The following BCL2L14 variants were observed in gnomAD, a reference collection of about 807,000 sequenced individuals.
The protein encoded by BCL2L14 is BCL2 like 14, also known as apoptosis facilitator Bcl-2-like protein 14.
In BCL2L14, 27 loss-of-function variants were observed where a neutral mutation model predicts 35.3. The observed-to-expected ratio is 0.76, with a 90% CI of 0.56 to 1.05. The LOEUF is 1.05. BCL2L14 is among the 50% of genes least tolerant of loss of function. BCL2L14 has a pLI of 0.00. For missense variants in BCL2L14, 377 were observed against 382.6 expected, an observed-to-expected ratio of 0.99 and a Z score of 0.12; for synonymous variants, 139 against 145.9, an observed-to-expected ratio of 0.95 and a Z score of 0.34.
rs766713569 is a variant in BCL2L14 at position 12,090,765 on chromosome 12, A to G, written c.608-14A>G. ...GCTTCTCTTAAAAGAAATAACTGGA[A>G]TTTTCCCCGACAGATGAAGAAGAAC... On this transcript the variant is annotated splice_polypyrimidine_tract_variant and intron_variant, in intron 3 of 5. Coordinates refer to ENST00000308721, the MANE Select transcript of BCL2L14 (RefSeq NM_138723.2). 25 of 1,606,032 alleles carry G rather than the reference A, an allele frequency of 1.6e-5. No homozygotes were observed. The highest frequency in any genetic ancestry group is 7.7e-6 in the Non-Finnish European group (9 of 1,176,252).
rs547653693 is a variant in BCL2L14 at position 12,088,608 on chromosome 12, G to A, written c.607+1222G>A. ...TTTGTTAGAAAAGAAAATGATTTGG[G>A]GCTGCTTTTCATTAAAAGGAAAACC... On this transcript the variant is annotated intron_variant, in intron 3 of 5. Coordinates refer to ENST00000308721, the MANE Select transcript of BCL2L14 (RefSeq NM_138723.2). Among the ~76,000 whole-genome samples, 66 of 152,140 alleles carry A rather than the reference G, an allele frequency of 4.3e-4. 1 individual carries two copies. The highest frequency in any genetic ancestry group is 8.7e-4 in the Non-Finnish European group (59 of 67,978).
At chr12:12,068,803 A>G (rs760636470), upstream of BCL2L14, among the ~76,000 whole-genome samples, 3 of 152,198 alleles carry the variant, frequency 2.0e-5, no homozygotes, top group Non-Finnish European at 4.4e-5. Context: ...AAATGAAAGC[A>G]AGGTTATTAA....
chr12:12,072,779 G>T (rs1008276651), intron 1 of BCL2L14, among the ~76,000 whole-genome samples: 7 of 152,194 alleles, frequency 4.6e-5, no homozygotes, highest in African/African-American at 9.6e-5. Flanking sequence ...ATACTCGATC[G>T]CTGCTGCTTG....
intron 2 of BCL2L14, among the ~76,000 whole-genome samples, chr12:12,062,262 C>G (rs1283241239): frequency 6.8e-6 from 1 of 147,558 alleles, no homozygotes; most frequent in South Asian, 2.2e-4. Flanking sequence ...TTCCTGATAC[C>G]ACACCTGACC....
rs189698888 is a variant in BCL2L14 at position 12,056,167 on chromosome 12, T to C, written c.-272+4320T>C. Among the ~76,000 whole-genome samples the C allele has an allele frequency of 9.8e-4, 149 of 151,898 alleles. 1 individual carries two copies. In the Middle Eastern group the frequency reaches 0.01, roughly 10 times the overall value. On this transcript the variant is annotated intron_variant, in intron 2 of 3. Transcript: ENST00000461264. ...CATTTGCCTCTGCTGCATTCAGAGT[T>C]GAGCCCAGTTTCTCTCCCTGACCAC...
chr12:12,073,566 A>ACACATG (rs1948713749), intron 1 of BCL2L14, among the ~76,000 whole-genome samples: 1 of 152,062 alleles, frequency 6.6e-6, no homozygotes, highest in Non-Finnish European at 1.5e-5. Context: ...CCACACACAC[A>ACACATG]CACATGCACA....
At chr12:12,058,659 C>T (rs1948470953) in intron 2 of BCL2L14, among the ~76,000 whole-genome samples, 1 of 151,986 alleles carries the variant, frequency 6.6e-6, no homozygotes, top group African/African-American at 2.4e-5. Context: ...TATAAAACAG[C>T]CCCACCCCAT....
chr12:12,079,580 C>G lies in BCL2L14; in HGVS notation c.275C>G (p.Ser92Cys). The change falls in exon 2 of 6, where the codon TCT becomes TGT. Residue 92 changes from serine (S) to cysteine (C), a missense_variant. Ser to Cys is a moderately radical substitution (Grantham distance 112, BLOSUM62 -1). Transcript: ENST00000308721. ...KAINLGKKKSSWKAFFGVVEK... is the reference protein window; with the variant it reads ...KAINLGKKKSCWKAFFGVVEK... ...ATAAACCTTGGCAAGAAAAAGTCTTCTTGGAAAGCATTCTTTGGAGTAGTG... is the reference window on the plus strand; with the variant it reads ...ATAAACCTTGGCAAGAAAAAGTCTTGTTGGAAAGCATTCTTTGGAGTAGTG... The G allele has an allele frequency of 6.2e-7, 1 of 1,614,214 alleles. No individual in the cohort carries two copies. The highest frequency in any genetic ancestry group is 8.5e-7 in the Non-Finnish European group (1 of 1,180,048).
chr12:12,085,835 C>A (rs7973469), intron 2 of BCL2L14, among the ~76,000 whole-genome samples: 34,235 of 152,024 alleles, frequency 0.23, 4,248 homozygotes, highest in Middle Eastern at 0.4. Flanking sequence ...TCTCTTACCT[C>A]CAGTGCTGTA....
Position 12,079,663 on chromosome 12 carries a change from T to C in BCL2L14, c.358T>C (p.Leu120=). 6.2e-7 allele frequency: 1 copy of C among 1,614,158 alleles called. No homozygotes were observed. Among genetic ancestry groups the C allele is most frequent in the Non-Finnish European group, 8.5e-7 (1 of 1,180,038 alleles). Residue 120 remains leucine (L), a synonymous_variant, in exon 2 of 6, where the codon TTG becomes CTG. Transcript: ENST00000308721. ...AKVSAQGQRT[L]EYQDSHSQQW... ...GGTCTCTGCTCAGGGTCAAAGGACGTTGGAATACCAAGATTCGCACAGCCA... is the reference window on the plus strand; with the variant it reads ...GGTCTCTGCTCAGGGTCAAAGGACGCTGGAATACCAAGATTCGCACAGCCA...
intron 1 of BCL2L14, chr12:12,077,710 T>C (rs1948814566): frequency 5.6e-6 from 1 of 178,930 alleles, no homozygotes; most frequent in Admixed American, 5.7e-5. Flanking sequence ...CTGCAGGAAG[T>C]TCATGTTTGG....
rs1161143888 is a variant in BCL2L14 at position 12,090,572 on chromosome 12, G to T, written c.608-207G>T. ...CTCTTGAACCTGGGAGGCAGAGGTTGCAGTGAGGCAAGATCGCACCATTGC... is the reference window on the plus strand; with the variant it reads ...CTCTTGAACCTGGGAGGCAGAGGTTTCAGTGAGGCAAGATCGCACCATTGC... On this transcript the variant is annotated intron_variant, in intron 3 of 5. Transcript: ENST00000308721. Among the ~76,000 whole-genome samples, 3 of 151,848 alleles carry T rather than the reference G, an allele frequency of 2.0e-5. No individual in the cohort carries two copies. In the East Asian group the frequency reaches 5.8e-4, roughly 29 times the overall value.
At chr12:12,051,514 A>T (rs951112585) in intron 1 of BCL2L14, among the ~76,000 whole-genome samples, 3 of 151,966 alleles carry the variant, frequency 2.0e-5, no homozygotes, top group Non-Finnish European at 4.4e-5. Flanking sequence ...AATGATTGTC[A>T]CTGGGAAGAA....
chr12:12,056,231 G>A (rs1335693935), intron 2 of BCL2L14, among the ~76,000 whole-genome samples: 6 of 152,156 alleles, frequency 3.9e-5, no homozygotes, highest in East Asian at 1.9e-4. Context: ...CACCAACTGC[G>A]ATAGTCCCGG....
intron 2 of BCL2L14, among the ~76,000 whole-genome samples, chr12:12,052,808 G>A (rs960734713): frequency 1.3e-5 from 2 of 152,146 alleles, no homozygotes; most frequent in Non-Finnish European, 2.9e-5. Context: ...CCTAAAATAA[G>A]AGCCCTGAAC....
intron 2 of BCL2L14, among the ~76,000 whole-genome samples, chr12:12,081,816 C>T (rs943115351): frequency 2.0e-5 from 3 of 152,138 alleles, no homozygotes; most frequent in South Asian, 2.1e-4. Flanking sequence ...CTTGGGCTCC[C>T]GAAGTGCTGG....
In BCL2L14 at chr12:12,071,080, A is replaced by G. The variant is rs1948662847; in HGVS notation, c.-65A>G. On this transcript the variant is annotated 5_prime_UTR_variant, in exon 1 of 6. Coordinates refer to ENST00000308721, the MANE Select transcript of BCL2L14 (RefSeq NM_138723.2). Reference sequence around the variant, plus strand: ...CGTGGAGAGAGACTCAGGTATAGAAATATCCTTACTGCCACCTGACCTGAA... The same window carrying G: ...CGTGGAGAGAGACTCAGGTATAGAAGTATCCTTACTGCCACCTGACCTGAA... 6.6e-6 allele frequency: 1 copy of G among 152,190 alleles called. No individual in the cohort carries two copies. Among genetic ancestry groups the G allele is most frequent in the African/African-American group, 2.4e-5 (1 of 41,438 alleles). The allele number at this position is 152,190 out of a possible 1,614,324, so 9.4% of individuals were successfully genotyped here. A position where few individuals can be genotyped will look rare whatever the true frequency, so the allele number is the denominator to read the frequency against.
rs759138469 is a variant in BCL2L14 at position 12,074,929 on chromosome 12, CA to C, written c.-8+3793del. ...AGGTGGTGGGATTACAGGTGTGAGC[CA>C]CGGTGCCAGCCAAGATGATCAATAC... is the stretch of plus-strand genomic sequence containing the variant. On this transcript the variant is annotated intron_variant, in intron 1 of 5. Coordinates refer to ENST00000308721, the MANE Select transcript of BCL2L14 (RefSeq NM_138723.2). 7.9e-4 allele frequency among the ~76,000 whole-genome samples: 120 copies of C among 152,076 alleles called. 1 individual carries two copies. The highest frequency in any genetic ancestry group is 1.3e-3 in the Non-Finnish European group (87 of 68,000).
chr12:12,060,913 A>G (rs879882265), intron 2 of BCL2L14, among the ~76,000 whole-genome samples: 34,491 of 41,686 alleles, frequency 0.83, 15,728 homozygotes, highest in East Asian at 0.99. Context: ...GCCGAGCTTT[A>G]GGTAACTCTC....
Sources: allele counts gnomAD v4.1 joint callset (sites outside exome capture counted in the v4.1 genomes callset), GRCh38; gene constraint gnomAD v4.1.1; transcripts MANE v1.5; gene names NCBI Gene and HGNC (gene_info 2026-07-23, HGNC 2026-07-21).